The following SLIT2 variants were observed in gnomAD, a reference collection of about 807,000 sequenced individuals.
SLIT2 encodes slit guidance ligand 2, also known as slit homolog 2 protein.
Under a neutral mutation model 185.7 loss-of-function variants are expected in SLIT2, and 41 were observed. That is an observed-to-expected ratio of 0.22 (90% confidence interval 0.17 to 0.29). The LOEUF (loss-of-function observed/expected upper bound fraction) is 0.29. Ranked by LOEUF, SLIT2 falls within the 10% of genes least tolerant of loss-of-function variation. The probability of loss-of-function intolerance (pLI) is 1.00; values close to 1 mark genes in which losing one functional copy is unlikely to be tolerated. For missense variants in SLIT2, 1,571 were observed against 1,909.0 expected (o/e 0.82, Z 3.30); for synonymous variants, 693 against 680.2 (o/e 1.02, Z -0.29).
At chr4:20,401,505 C>A (rs1726358563) in intron 4 of SLIT2, among the ~76,000 whole-genome samples, 1 of 151,756 alleles carries the variant, frequency 6.6e-6, no homozygotes, top group African/African-American at 2.4e-5. Flanking sequence ...GCTCTTCAGA[C>A]ACAAAACATG....
At chr4:20,531,930 A>G (rs1721844770) in intron 16 of SLIT2, 54 bp from the exon 17 acceptor site, 1 of 944,104 alleles carries the variant, frequency 1.1e-6, no homozygotes, top group Non-Finnish European at 1.6e-6. Flanking sequence ...ATCAAATTTA[A>G]TCCTTTCCTA....
intron 4 of SLIT2, among the ~76,000 whole-genome samples, chr4:20,331,315 A>G (rs1010166920): frequency 6.6e-6 from 1 of 152,142 alleles, no homozygotes; most frequent in African/African-American, 2.4e-5. Flanking sequence ...ACATTTTCCA[A>G]TTATTGCTAT....
At chr4:20,263,414 T>C (rs1418567175) in intron 3 of SLIT2, among the ~76,000 whole-genome samples, 1 of 151,836 alleles carries the variant, frequency 6.6e-6, no homozygotes, top group African/African-American at 2.4e-5. Flanking sequence ...TGGACAGTTC[T>C]GGAGCATTGG....
intron 4 of SLIT2, among the ~76,000 whole-genome samples, chr4:20,439,321 G>C (rs1255545157): frequency 2.6e-5 from 4 of 152,196 alleles, no homozygotes. Flanking sequence ...TTGTCTCACA[G>C]TTCTGGAGTC....
At chr4:20,612,697 C>G (rs1028590866) in intron 34 of SLIT2, among the ~76,000 whole-genome samples, 1 of 152,086 alleles carries the variant, frequency 6.6e-6, no homozygotes, top group East Asian at 1.9e-4. Flanking sequence ...GCGGGTGGAT[C>G]ACGAGGTCAG....
At chr4:20,479,925 A>T (rs758497630) in intron 5 of SLIT2, among the ~76,000 whole-genome samples, 1 of 152,164 alleles carries the variant, frequency 6.6e-6, no homozygotes, top group Admixed American at 6.5e-5. Flanking sequence ...CCTGTAGTAT[A>T]TGTTTCTTAG....
intron 4 of SLIT2, among the ~76,000 whole-genome samples, chr4:20,370,043 T>C (rs1723446274): frequency 1.3e-5 from 2 of 152,130 alleles, no homozygotes; most frequent in Non-Finnish European, 2.9e-5. Context: ...ATTTGGTCTC[T>C]ACCCCAGACC....
intron 4 of SLIT2, among the ~76,000 whole-genome samples, chr4:20,322,074 A>T (rs1287768813): frequency 3.9e-5 from 6 of 152,194 alleles, no homozygotes; most frequent in Admixed American, 3.3e-4. Context: ...CTGGGCTTTC[A>T]GCATCCTACT....
intron 33 of SLIT2, among the ~76,000 whole-genome samples, chr4:20,603,878 A>G (rs902747073): frequency 1.3e-5 from 2 of 152,222 alleles, no homozygotes; most frequent in Non-Finnish European, 2.9e-5. Context: ...GACAGAATCT[A>G]TATGGTATTC....
chr4:20,592,653 GATAA>G (rs1268209656), intron 30 of SLIT2, among the ~76,000 whole-genome samples: 2 of 152,084 alleles, frequency 1.3e-5, no homozygotes, highest in Admixed American at 1.3e-4. Context: ...TCTTTTTTCA[GATAA>G]ATAATTCAGA....
At chr4:20,441,060 CA>C (rs142000936) in intron 4 of SLIT2, among the ~76,000 whole-genome samples, 388 of 141,190 alleles carry the variant, frequency 2.7e-3, no homozygotes, top group South Asian at 0.01. Flanking sequence ...CCGAAGCCTC[CA>C]AAAAAAAAAA....
At chr4:20,376,564 T>C (rs1443307932) in intron 4 of SLIT2, among the ~76,000 whole-genome samples, 1 of 152,120 alleles carries the variant, frequency 6.6e-6, no homozygotes, top group East Asian at 1.9e-4. Context: ...CCTATTTGCA[T>C]GATGGTTAAA....
chr4:20,554,519 T>G (rs578144580), intron 26 of SLIT2, among the ~76,000 whole-genome samples: 2 of 152,308 alleles, frequency 1.3e-5, no homozygotes, highest in East Asian at 3.9e-4. Context: ...ATTTTCCTTT[T>G]TATTACAAGA....
rs1170324434 is a variant in SLIT2, at chr4:20,359,230, A to G, written c.395+90349A>G. On this transcript the variant is annotated intron_variant, in intron 4 of 36. Transcript: ENST00000504154. ...CGACTTTTGAATGGGGTCTGGAGGG[A>G]TGTGTTCACCAAGGAGTGAAAGGAG... Among the ~76,000 whole-genome samples the G allele has an allele frequency of 2.6e-5, 4 of 152,074 alleles. No individual in the cohort carries two copies. In the East Asian group the frequency reaches 7.7e-4, roughly 29 times the overall value.
intron 4 of SLIT2, among the ~76,000 whole-genome samples, chr4:20,269,814 G>A (rs933730133): frequency 1.3e-5 from 2 of 151,690 alleles, no homozygotes; most frequent in Non-Finnish European, 2.9e-5. Context: ...AGTTCAATGT[G>A]GTTATCAATT....
intron 4 of SLIT2, among the ~76,000 whole-genome samples, chr4:20,354,713 A>C (rs1417385309): frequency 1.3e-5 from 2 of 152,148 alleles, no homozygotes; most frequent in Admixed American, 6.6e-5. Context: ...CAAACAATCT[A>C]AATGGTTAAA....
chr4:20,445,420 A>G (rs1057054754), intron 4 of SLIT2, among the ~76,000 whole-genome samples: 2 of 152,256 alleles, frequency 1.3e-5, no homozygotes, highest in Admixed American at 6.5e-5. Flanking sequence ...GATGCTCATT[A>G]AAGAAGACGT....
chr4:20,617,734 A>AAG, intron 36 of SLIT2, 84 bp downstream of exon 36: 1 of 32,230 alleles, frequency 3.1e-5, no homozygotes, highest in Non-Finnish European at 4.3e-5. Flanking sequence ...AGAAAAAGTG[A>AAG]AAAAAAAAAA....
At chr4:20,267,782 C>A (rs983191201) in intron 3 of SLIT2, among the ~76,000 whole-genome samples, 1 of 151,940 alleles carries the variant, frequency 6.6e-6, no homozygotes, top group African/African-American at 2.4e-5. Context: ...CTTTTCCTGT[C>A]CCTTTTACTA....
Sources: allele counts gnomAD v4.1 joint callset (sites outside exome capture counted in the v4.1 genomes callset), GRCh38; gene constraint gnomAD v4.1.1; transcripts MANE v1.5; gene names NCBI Gene and HGNC (gene_info 2026-07-23, HGNC 2026-07-21).